Variants in SLC25A21 observed in about 807,000 individuals in gnomAD.
SLC25A21 encodes mitochondrial 2-oxodicarboxylate carrier.
A neutral mutation model predicts 43.8 loss-of-function variants in SLC25A21; 47 were observed. The observed-to-expected ratio is 1.07, with a 90% confidence interval of 0.85 to 1.37. The LOEUF (loss-of-function observed/expected upper bound fraction) is 1.37. Among genes scored for constraint, SLC25A21 ranks in the 40% most tolerant of loss-of-function variants. SLC25A21 has a pLI of 0.00. For missense variants in SLC25A21, 352 were observed against 350.2 expected (o/e 1.00, Z -0.04); for synonymous variants, 131 against 121.3 (o/e 1.08, Z -0.52).
chr14:36,770,446 T>C (rs1886577014), intron 3 of SLC25A21, among the ~76,000 whole-genome samples: 2 of 152,188 alleles, frequency 1.3e-5, no homozygotes, highest in African/African-American at 4.8e-5. Flanking sequence ...GATGGGATCA[T>C]GTGTACTACA....
In SLC25A21 at chr14:37,109,278, T is replaced by C. The variant is rs145463500; in HGVS notation, c.70+63003A>G. Among the ~76,000 whole-genome samples the C allele has an allele frequency of 1.9e-3, 289 of 151,988 alleles. 1 individual carries two copies. Among genetic ancestry groups the C allele is most frequent in the African/African-American group, 6.4e-3 (265 of 41,470 alleles). On this transcript the variant is annotated intron_variant, in intron 1 of 9. Transcript: ENST00000331299. ...CGTGATTCTACCTTGCTTTGGAAAG[T>C]TGCGTGAAGGGATCATCATAACAAC...
intron 1 of SLC25A21, among the ~76,000 whole-genome samples, chr14:37,022,050 T>G (rs974216447): frequency 6.9e-6 from 1 of 145,750 alleles, no homozygotes; most frequent in Admixed American, 6.8e-5. Flanking sequence ...AGCTGCTTCA[T>G]AGGGATTTTT....
At chr14:37,025,130 C>T (rs577348847) in intron 1 of SLC25A21, among the ~76,000 whole-genome samples, 5 of 152,018 alleles carry the variant, frequency 3.3e-5, no homozygotes, top group Admixed American at 6.6e-5. Flanking sequence ...GCTACACTAC[C>T]GTAGCCAGAA....
intron 2 of SLC25A21, among the ~76,000 whole-genome samples, chr14:36,869,778 T>A (rs1890317516): frequency 1.3e-5 from 2 of 152,054 alleles, no homozygotes; most frequent in Admixed American, 6.6e-5. Flanking sequence ...ACACACACAA[T>A]CTTGATTGAA....
chr14:36,763,560 C>T (rs1327415957), intron 3 of SLC25A21, among the ~76,000 whole-genome samples: 1 of 152,062 alleles, frequency 6.6e-6, no homozygotes, highest in Non-Finnish European at 1.5e-5. Flanking sequence ...GTAAGAAATG[C>T]TTACTGGACC....
At chr14:36,808,237 G>T (rs945707693) in intron 3 of SLC25A21, among the ~76,000 whole-genome samples, 2 of 152,124 alleles carry the variant, frequency 1.3e-5, no homozygotes, top group African/African-American at 2.4e-5. Context: ...CAATGCCCAA[G>T]AATTTTTCAC....
chr14:36,726,349 C>G (rs1884599147), intron 5 of SLC25A21, among the ~76,000 whole-genome samples: 1 of 152,030 alleles, frequency 6.6e-6, no homozygotes, highest in Non-Finnish European at 1.5e-5. Flanking sequence ...GGGAGGATCA[C>G]TTGAGCCTAA....
At chr14:37,126,841 G>C (rs1361451724) in intron 1 of SLC25A21, among the ~76,000 whole-genome samples, 1 of 152,148 alleles carries the variant, frequency 6.6e-6, no homozygotes, top group Non-Finnish European at 1.5e-5. Flanking sequence ...AAAACACTTA[G>C]GTCAATGGTT....
chr14:36,802,134 G>C (rs571939462), intron 3 of SLC25A21, among the ~76,000 whole-genome samples: 25 of 152,148 alleles, frequency 1.6e-4, no homozygotes, highest in African/African-American at 5.3e-4. Flanking sequence ...TTAGAATCTT[G>C]GTCTTAATGA....
At chr14:36,833,396 A>G (rs1484810884) in intron 2 of SLC25A21, among the ~76,000 whole-genome samples, 1 of 152,142 alleles carries the variant, frequency 6.6e-6, no homozygotes, top group Non-Finnish European at 1.5e-5. Context: ...CTTGTTAGAG[A>G]GCTTTAAAAG....
intron 8 of SLC25A21, 106 bp downstream of exon 8, chr14:36,684,638 C>G: frequency 5.0e-6 from 5 of 1,006,106 alleles, no homozygotes; most frequent in Non-Finnish European, 7.0e-6. Context: ...TAGACACAAG[C>G]TCCACTTAGG....
chr14:36,753,937 G>A (rs1363105818), intron 3 of SLC25A21, among the ~76,000 whole-genome samples: 1 of 148,014 alleles, frequency 6.8e-6, no homozygotes, highest in Non-Finnish European at 1.5e-5. Flanking sequence ...GAGAGAGAGA[G>A]AGAGAGAGAG....
intron 1 of SLC25A21, among the ~76,000 whole-genome samples, chr14:37,058,373 T>C (rs972190933): frequency 1.3e-5 from 2 of 152,250 alleles, no homozygotes; most frequent in Non-Finnish European, 2.9e-5. Flanking sequence ...TGTATGCAAC[T>C]ATTGAAACAG....
chr14:37,012,054 A>G (rs1169459448), intron 1 of SLC25A21, among the ~76,000 whole-genome samples: 1 of 152,220 alleles, frequency 6.6e-6, no homozygotes, highest in Non-Finnish European at 1.5e-5. Context: ...TCTGTAGGAT[A>G]GTCAGCTGGG....
At chr14:37,062,736 A>T (rs1196242148) in intron 1 of SLC25A21, among the ~76,000 whole-genome samples, 13 of 152,168 alleles carry the variant, frequency 8.5e-5, no homozygotes, top group Non-Finnish European at 1.8e-4. Flanking sequence ...GAAGCATAAC[A>T]ATCAGTTTAA....
intron 1 of SLC25A21, among the ~76,000 whole-genome samples, chr14:36,982,593 T>C (rs147306771): frequency 0.025 from 3,768 of 152,068 alleles, 156 homozygotes; most frequent in African/African-American, 0.086. Context: ...GGCAGATGGA[T>C]TGCTTGAGCT....
chr14:37,136,999 T>TA (rs1038379821), intron 1 of SLC25A21, among the ~76,000 whole-genome samples: 1 of 152,112 alleles, frequency 6.6e-6, no homozygotes, highest in African/African-American at 2.4e-5. Context: ...CACTGACTTT[T>TA]TTTGTTTTTG....
chr14:36,817,194 A>G (rs1018156972), intron 2 of SLC25A21, among the ~76,000 whole-genome samples: 30 of 150,536 alleles, frequency 2.0e-4, no homozygotes, highest in African/African-American at 7.4e-4. Context: ...TTCAACCTCA[A>G]GAAGCACAAG....
At position 36,711,493 on chromosome 14, in the gene SLC25A21, G is replaced by C. The variant is rs754580121; in HGVS notation, c.439-11C>G. The C allele has an allele frequency of 5.6e-6, 9 of 1,612,092 alleles. No individual in the cohort carries two copies. Among genetic ancestry groups the C allele is most frequent in the African/African-American group, 1.3e-5 (1 of 74,912 alleles). Reference sequence around the variant, plus strand: ...CACAGTGGATGGTTGCTGCAGAAGAGAGAAGCAAGGCCAGAATGATCATCT... The same window carrying C: ...CACAGTGGATGGTTGCTGCAGAAGACAGAAGCAAGGCCAGAATGATCATCT... On this transcript the variant is annotated splice_polypyrimidine_tract_variant and intron_variant, in intron 6 of 9. Coordinates refer to ENST00000331299, the MANE Select transcript of SLC25A21 (RefSeq NM_030631.4).
Sources: gnomAD v4.1 joint callset for allele counts (sites outside exome capture counted in the v4.1 genomes callset) on GRCh38, gnomAD v4.1.1 for gene constraint, MANE v1.5 for transcripts, NCBI Gene and HGNC (gene_info 2026-07-23, HGNC 2026-07-21) for gene names.